Variants in ZKSCAN2 observed in about 807,000 individuals in gnomAD.
The protein encoded by ZKSCAN2 is zinc finger protein with KRAB and SCAN domains 2.
A neutral mutation model predicts 90.5 loss-of-function variants in ZKSCAN2; 38 were observed. The observed-to-expected ratio is 0.42, with a 90% CI of 0.32 to 0.55. The LOEUF (loss-of-function observed/expected upper bound fraction) is 0.55, where lower values mean the gene tolerates loss of function less well. ZKSCAN2 is among the 20% of genes least tolerant of loss of function. The pLI is 0.11. For missense variants in ZKSCAN2, 1,167 were observed against 1,202.6 expected (o/e 0.97, Z 0.44); for synonymous variants, 429 against 421.6 (o/e 1.02, Z -0.22).
Position 25,257,574 on chromosome 16 carries a change from G to T in ZKSCAN2, c.-447C>A. ...GCCGGATGTGCAGGCCCCGCCCGGC[G>T]CCAGGTTCCGGGCTCGGGTCACCGC... On this transcript the variant is annotated 5_prime_UTR_variant, in exon 1 of 7. Transcript: ENST00000328086. The T allele has an allele frequency of 1.1e-6, 1 of 938,440 alleles. No homozygotes were observed. The highest frequency in any genetic ancestry group is 1.3e-6 in the Non-Finnish European group (1 of 786,966). The allele number at this position is 938,440 out of a possible 1,614,324, so 58.1% of individuals were successfully genotyped here.
Position 25,257,538 on chromosome 16 carries a change from G to T in ZKSCAN2, c.-411C>A. On this transcript the variant is annotated 5_prime_UTR_variant, in exon 1 of 7. Transcript: ENST00000328086. Reference sequence around the variant, plus strand: ...GTCGGGCGCGGAGAGGCGAGTCCCCGAGTGGGTGGGGCCGGATGTGCAGGC... The same window carrying T: ...GTCGGGCGCGGAGAGGCGAGTCCCCTAGTGGGTGGGGCCGGATGTGCAGGC... 1.0e-6 allele frequency: 1 copy of T among 987,386 alleles called. No homozygotes were observed. The highest frequency in any genetic ancestry group is 4.7e-5 in the South Asian group (1 of 21,358). 61.2% of individuals were successfully genotyped at this position (987,386 alleles called of 1,614,324 possible).
At position 25,246,974 on chromosome 16, in the gene ZKSCAN2, T is replaced by G. The variant is rs1962943455; in HGVS notation, c.1222A>C (p.Arg408=). Residue 408 remains arginine, a synonymous_variant, in exon 5 of 7, where the codon AGA becomes CGA. Coordinates refer to ENST00000328086, the MANE Select transcript of ZKSCAN2 (RefSeq NM_001012981.5). ...KSLQKSYRKV[R]NGHMLEPCAF... is the part of the protein sequence containing the mutation. ...CAGGGTTCTAGCATGTGGCCATTTCTCACCTTTCGATAGCTTTTCTGGAGA... is the reference window on the plus strand; with the variant it reads ...CAGGGTTCTAGCATGTGGCCATTTCGCACCTTTCGATAGCTTTTCTGGAGA... The G allele has an allele frequency of 1.9e-6, 3 of 1,614,078 alleles. No homozygotes were observed. The highest frequency in any genetic ancestry group is 2.5e-6 in the Non-Finnish European group (3 of 1,180,038).
chr16:25,255,521 G>A (rs891739396), intron 1 of ZKSCAN2, 129 bp from the exon 2 acceptor site: 11 of 1,025,680 alleles, frequency 1.1e-5, no homozygotes, highest in Non-Finnish European at 1.4e-5. Context: ...CATTCCCAGT[G>A]GAGTCTCTGA....
rs201820034 is a variant in ZKSCAN2 at position 25,255,297 on chromosome 16, C to T, written c.495G>A (p.Arg165=). ...TTCCAGGTTCCTCCCGAGACACCGC[C>T]CTGGGTTGGGTCTCCACCTGCTCTG... The part of the protein sequence containing the change: ...FQPEQVETQP[R]AVSREEPGSL... The change falls in exon 2 of 7, where the codon AGG becomes AGA. Residue 165 remains arginine, a synonymous_variant. Transcript: ENST00000328086. 3 of 1,613,764 alleles carry T rather than the reference C, an allele frequency of 1.9e-6. No individual in the cohort carries two copies. The highest frequency in any genetic ancestry group is 1.7e-6 in the Non-Finnish European group (2 of 1,179,974).
At chr16:25,252,361 G>A (rs1963034070) in intron 3 of ZKSCAN2, among the ~76,000 whole-genome samples, 1 of 152,072 alleles carries the variant, frequency 6.6e-6, no homozygotes, top group African/African-American at 2.4e-5. Context: ...ATAAGTAAAG[G>A]AATAAGGGGG....
At chr16:25,243,759 T>TAAAACTCCCTGGTTTTGCACC in intron 6 of ZKSCAN2, 26 bp downstream of exon 6, 1 of 1,558,624 alleles carries the variant, frequency 6.4e-7, no homozygotes, top group Non-Finnish European at 8.6e-7. Context: ...TCTTTTGGAC[T>TAAAACTCCCTGGTTTTGCACC]AAAACTCCTT....
At chr16:25,255,842 C>T (rs935813161) in intron 1 of ZKSCAN2, among the ~76,000 whole-genome samples, 1 of 152,130 alleles carries the variant, frequency 6.6e-6, no homozygotes, top group African/African-American at 2.4e-5. Context: ...CTCGGCCTCC[C>T]AAAGTGCTGG....
intron 2 of ZKSCAN2, among the ~76,000 whole-genome samples, chr16:25,254,580 A>G (rs1344339306): frequency 6.6e-6 from 1 of 151,924 alleles, no homozygotes; most frequent in Non-Finnish European, 1.5e-5. Context: ...TGATTGTAGA[A>G]TGTAGATCTT....
At position 25,239,077 on chromosome 16, in the gene ZKSCAN2, CAGT is replaced by C. The variant is rs1231594622; in HGVS notation, c.*736_*738del. 6.5e-6 allele frequency: 1 copy of C among 152,698 alleles called. No individual in the cohort carries two copies. The highest frequency in any genetic ancestry group is 6.6e-5 in the Admixed American group (1 of 15,262). The allele number at this position is 152,698 out of a possible 1,614,324, so 9.5% of individuals were successfully genotyped here. On this transcript the variant is annotated 3_prime_UTR_variant, in exon 7 of 7. Coordinates refer to ENST00000328086, the MANE Select transcript of ZKSCAN2 (RefSeq NM_001012981.5). ...GAGGCAAGTGCAGGGCTATGAGAAA[CAGT>C]AGGAGGACCTGGGATTACTTATAGG... is the stretch of plus-strand genomic sequence containing the variant.
rs1210041199 is a variant in ZKSCAN2, at chr16:25,257,480, C to G, written c.-353G>C. 4.9e-6 allele frequency: 5 copies of G among 1,012,532 alleles called. No individual in the cohort carries two copies. The highest frequency in any genetic ancestry group is 5.9e-6 in the Non-Finnish European group (5 of 849,016). The allele number at this position is 1,012,532 out of a possible 1,614,324, so 62.7% of individuals were successfully genotyped here. Reference sequence around the variant, plus strand: ...GAAAGGCTGGGCGGAGGCGGACAGCCGGGCCGGGAGGGGGTGTGTCCGCTA... The same window carrying G: ...GAAAGGCTGGGCGGAGGCGGACAGCGGGGCCGGGAGGGGGTGTGTCCGCTA... On this transcript the variant is annotated 5_prime_UTR_variant, in exon 1 of 7. Coordinates refer to ENST00000328086, the MANE Select transcript of ZKSCAN2 (RefSeq NM_001012981.5).
chr16:25,245,270 A>C (rs1597641830), intron 5 of ZKSCAN2, among the ~76,000 whole-genome samples: 1 of 151,956 alleles, frequency 6.6e-6, no homozygotes, highest in East Asian at 1.9e-4. Context: ...ATGCCTGGCT[A>C]ATTGTTTTAT....
At position 25,257,296 on chromosome 16, in the gene ZKSCAN2, C is replaced by G; in HGVS notation, c.-169G>C. Reference sequence around the variant, plus strand: ...GCTGATTAATCAAATCTATGCCAGGCCCTTGAAAAGGTGAACGTATACTCT... The same window carrying G: ...GCTGATTAATCAAATCTATGCCAGGGCCTTGAAAAGGTGAACGTATACTCT... On this transcript the variant is annotated 5_prime_UTR_variant, in exon 1 of 7. Coordinates refer to ENST00000328086, the MANE Select transcript of ZKSCAN2 (RefSeq NM_001012981.5). 2.1e-6 allele frequency: 3 copies of G among 1,430,234 alleles called. No homozygotes were observed. The highest frequency in any genetic ancestry group is 1.8e-6 in the Non-Finnish European group (2 of 1,098,084). The allele number at this position is 1,430,234 out of a possible 1,614,324, so 88.6% of individuals were successfully genotyped here.
intron 3 of ZKSCAN2, 52 bp downstream of exon 3, chr16:25,252,894 G>C: frequency 6.9e-7 from 1 of 1,445,630 alleles, no homozygotes; most frequent in East Asian, 2.3e-5. Context: ...CTCCACCGTG[G>C]GTGACAGAGT....
chr16:25,256,005 T>G (rs1374645151), intron 1 of ZKSCAN2, among the ~76,000 whole-genome samples: 1 of 152,232 alleles, frequency 6.6e-6, no homozygotes, highest in Non-Finnish European at 1.5e-5. Context: ...TACCAGGACA[T>G]GAATATATAC....
At chr16:25,242,370 T>C (rs1232283030) in intron 6 of ZKSCAN2, among the ~76,000 whole-genome samples, 1 of 152,202 alleles carries the variant, frequency 6.6e-6, no homozygotes, top group Admixed American at 6.5e-5. Flanking sequence ...CTTCATACTA[T>C]AATTTCCCAT....
intron 5 of ZKSCAN2, among the ~76,000 whole-genome samples, chr16:25,244,854 T>C (rs1333004985): frequency 1.3e-5 from 2 of 152,250 alleles, no homozygotes; most frequent in African/African-American, 2.4e-5. Flanking sequence ...GACAAGACTA[T>C]GTTCTGCATT....
Sources: allele counts gnomAD v4.1 joint callset (sites outside exome capture counted in the v4.1 genomes callset), GRCh38; gene constraint gnomAD v4.1.1; transcripts MANE v1.5; gene names NCBI Gene and HGNC (gene_info 2026-07-23, HGNC 2026-07-21).